Variants in LARP4 observed in about 807,000 individuals in gnomAD.
LARP4 encodes la-related protein 4.
In LARP4, 29 loss-of-function variants were observed where a neutral mutation model predicts 92.9. The observed-to-expected ratio is 0.31, with a 90% CI of 0.23 to 0.43. The LOEUF (loss-of-function observed/expected upper bound fraction) is 0.43, where lower values mean the gene tolerates loss of function less well. Among genes scored for constraint, LARP4 ranks in the 20% least tolerant of loss-of-function variants. The probability of loss-of-function intolerance (pLI) is 1.00; values close to 1 mark genes in which losing one functional copy is unlikely to be tolerated. For missense variants in LARP4, 732 were observed against 860.0 expected, an observed-to-expected ratio of 0.85 and a Z score of 1.86; for synonymous variants, 279 against 284.1, an observed-to-expected ratio of 0.98 and a Z score of 0.18.
At chr12:50,430,100 G>T (rs1355856272) in intron 3 of LARP4, among the ~76,000 whole-genome samples, 1 of 152,108 alleles carries the variant, frequency 6.6e-6, no homozygotes, top group Non-Finnish European at 1.5e-5. Flanking sequence ...TTTGGGCCAG[G>T]CACAGTGGCT....
chr12:50,426,693 G>GA (rs1294357847), intron 1 of LARP4, among the ~76,000 whole-genome samples: 7 of 107,200 alleles, frequency 6.5e-5, no homozygotes, highest in Admixed American at 1.8e-4. Flanking sequence ...GGGTGTGTGT[G>GA]TGTGTGTGTG....
At position 50,478,328 on chromosome 12, in the gene LARP4, T is replaced by C. The variant is rs1307477961; in HGVS notation, c.*2464T>C. The C allele has an allele frequency of 6.6e-6, 1 of 151,968 alleles. No individual in the cohort carries two copies. The highest frequency in any genetic ancestry group is 1.5e-5 in the Non-Finnish European group (1 of 67,898). The allele number at this position is 151,968 out of a possible 1,614,324, so 9.4% of individuals were successfully genotyped here. On this transcript the variant is annotated 3_prime_UTR_variant, in exon 16 of 16. Transcript: ENST00000398473. ...ATAGGGAAGAGTGAGAGAGTGTGTGTGTGTGTATGTGTGTGTAATATTTAT... is the reference window on the plus strand; with the variant it reads ...ATAGGGAAGAGTGAGAGAGTGTGTGCGTGTGTATGTGTGTGTAATATTTAT...
intron 10 of LARP4, among the ~76,000 whole-genome samples, chr12:50,459,795 GC>G (rs1186061272): frequency 1.4e-5 from 2 of 139,074 alleles, no homozygotes; most frequent in Non-Finnish European, 3.0e-5. Flanking sequence ...TTGCACTCCA[GC>G]CTGGCGACAG....
At chr12:50,461,395 C>A in intron 11 of LARP4, 48 bp downstream of exon 11, 2 of 1,498,704 alleles carry the variant, frequency 1.3e-6, no homozygotes, top group Non-Finnish European at 1.8e-6. Context: ...TGTGATCATC[C>A]TGAATAATTG....
intron 8 of LARP4, among the ~76,000 whole-genome samples, chr12:50,442,451 T>G (rs1951361402): frequency 6.6e-6 from 1 of 152,278 alleles, no homozygotes; most frequent in Non-Finnish European, 1.5e-5. Context: ...ACACTTGGAG[T>G]AGCCTCTTAA....
intron 8 of LARP4, 146 bp from the exon 9 acceptor site, chr12:50,453,314 C>A: frequency 1.9e-6 from 1 of 521,116 alleles, no homozygotes; most frequent in South Asian, 3.2e-5. Context: ...TTAATTAAAG[C>A]TGTCATTTTC....
At chr12:50,429,484 C>G (rs1949315586) in intron 3 of LARP4, among the ~76,000 whole-genome samples, 1 of 151,820 alleles carries the variant, frequency 6.6e-6, no homozygotes, top group Non-Finnish European at 1.5e-5. Context: ...GTGGCATGCA[C>G]CTATAATCCC....
At chr12:50,403,711 C>G (rs967166931) in intron 1 of LARP4, among the ~76,000 whole-genome samples, 3 of 152,140 alleles carry the variant, frequency 2.0e-5, no homozygotes, top group Non-Finnish European at 2.9e-5. Context: ...CAGTTGTGTT[C>G]AATACCTTTT....
intron 1 of LARP4, chr12:50,412,502 A>G: frequency 1.4e-6 from 1 of 732,538 alleles, no homozygotes; most frequent in Non-Finnish European, 1.7e-6. Flanking sequence ...GTTTTACCAT[A>G]TTTATGGTGA....
At chr12:50,428,642 C>T (rs1205349064) in intron 2 of LARP4, among the ~76,000 whole-genome samples, 1 of 152,138 alleles carries the variant, frequency 6.6e-6, no homozygotes, top group Non-Finnish European at 1.5e-5. Context: ...AAAACAGAAG[C>T]AATCTTAATT....
Position 50,437,790 on chromosome 12 carries a change from G to A in LARP4, c.591G>A (p.Lys197=). Residue 197 remains lysine (K), a synonymous_variant, in exon 6 of 16, where the codon AAG becomes AAA. Transcript: ENST00000398473. ...GTGAGAAAGTGAGACCAAGTCATAA[G>A]CGTTGTATTGTAATTCTTAGAGAGA... ...EKGEKVRPSH[K]RCIVILREIP... 3 of 1,611,592 alleles carry A rather than the reference G, an allele frequency of 1.9e-6. No homozygotes were observed. Among genetic ancestry groups the A allele is most frequent in the Non-Finnish European group, 2.5e-6 (3 of 1,178,140 alleles).
At chr12:50,447,531 G>A (rs1053177689) in intron 8 of LARP4, among the ~76,000 whole-genome samples, 15 of 152,104 alleles carry the variant, frequency 9.9e-5, no homozygotes, top group African/African-American at 2.7e-4. Flanking sequence ...GGTATAATTA[G>A]TTACTGTTTA....
chr12:50,473,220 C>A (rs145051094), intron 13 of LARP4, among the ~76,000 whole-genome samples, 195 bp from the exon 14 acceptor site: 3 of 152,160 alleles, frequency 2.0e-5, no homozygotes, highest in Middle Eastern at 3.2e-3. Context: ...CATATCATCC[C>A]CAACATTTGT....
intron 10 of LARP4, among the ~76,000 whole-genome samples, chr12:50,457,823 A>AAAT (rs1334086096): frequency 6.6e-6 from 1 of 151,690 alleles, no homozygotes; most frequent in Non-Finnish European, 1.5e-5. Context: ...AAAAAAAAAA[A>AAAT]AAATTACTTT....
intron 1 of LARP4, among the ~76,000 whole-genome samples, chr12:50,420,390 GT>G (rs1163695251): frequency 1.3e-5 from 2 of 152,182 alleles, no homozygotes; most frequent in Non-Finnish European, 2.9e-5. Flanking sequence ...TTTTATTGGA[GT>G]TTCAGAAGAG....
At chr12:50,426,105 A>C (rs1483559310) in intron 1 of LARP4, among the ~76,000 whole-genome samples, 1 of 152,030 alleles carries the variant, frequency 6.6e-6, no homozygotes, top group Non-Finnish European at 1.5e-5. Context: ...GGAAGTGTTG[A>C]ATGTCAGGAT....
At chr12:50,416,129 G>A (rs947306613) in intron 1 of LARP4, among the ~76,000 whole-genome samples, 6 of 152,190 alleles carry the variant, frequency 3.9e-5, no homozygotes, top group Non-Finnish European at 8.8e-5. Context: ...GTTAGGAATG[G>A]CAGCAGGGTT....
At chr12:50,473,615 C>T (rs1406561824) in intron 14 of LARP4, 79 bp downstream of exon 14, 2 of 1,490,238 alleles carry the variant, frequency 1.3e-6, no homozygotes, top group Non-Finnish European at 1.8e-6. Context: ...CCTGTAATCC[C>T]AGCACTTTGG....
rs1230288364 is a variant in LARP4, at chr12:50,479,312, CAAAAG to C, written c.*3450_*3454del. ...TTGTTTTTACAGAAAAGATAAAACT[CAAAAG>C]AGAACAGTGTATTCCTTCTGAGGGG... On this transcript the variant is annotated 3_prime_UTR_variant, in exon 16 of 16. Transcript: ENST00000398473. 3 of 152,430 alleles carry C rather than the reference CAAAAG, an allele frequency of 2.0e-5. No homozygotes were observed. The highest frequency in any genetic ancestry group is 7.2e-5 in the African/African-American group (3 of 41,402). The allele number at this position is 152,430 out of a possible 1,614,324, so 9.4% of individuals were successfully genotyped here.
Sources: gnomAD v4.1 joint callset for allele counts (sites outside exome capture counted in the v4.1 genomes callset) on GRCh38, gnomAD v4.1.1 for gene constraint, MANE v1.5 for transcripts, NCBI Gene and HGNC (gene_info 2026-07-23, HGNC 2026-07-21) for gene names.